Variants in CHST9 observed in about 807,000 individuals in gnomAD.
The protein encoded by CHST9 is GalNAc-4-sulfotransferase 2.
Under a neutral mutation model 44.4 loss-of-function variants are expected in CHST9, and 41 were observed. The observed-to-expected ratio is 0.92, with a 90% CI of 0.72 to 1.20. The LOEUF is 1.20. Among genes scored for constraint, CHST9 ranks in the 50% most tolerant of loss-of-function variants. CHST9 has a pLI of 0.00. For synonymous variants in CHST9, 171 were observed against 178.4 expected, an observed-to-expected ratio of 0.96 and a Z score of 0.33; for missense variants, 504 against 516.5, an observed-to-expected ratio of 0.98 and a Z score of 0.23.
intron 5 of CHST9, among the ~76,000 whole-genome samples, chr18:26,937,721 C>T (rs550033654): frequency 1.3e-5 from 2 of 152,248 alleles, no homozygotes; most frequent in Admixed American, 6.5e-5. Context: ...GTTCCTACTT[C>T]GCAGGGTCAC....
rs2055439636 is a variant in CHST9 at position 26,911,481 on chromosome 18, C to A, written c.*4778G>T. 6.6e-6 allele frequency: 1 copy of A among 152,156 alleles called. No individual in the cohort carries two copies. Among genetic ancestry groups the A allele is most frequent in the Non-Finnish European group, 1.5e-5 (1 of 68,014 alleles). The allele number at this position is 152,156 out of a possible 1,614,324, so 9.4% of individuals were successfully genotyped here. On this transcript the variant is annotated 3_prime_UTR_variant, in exon 6 of 6. Coordinates refer to ENST00000618847, the MANE Select transcript of CHST9 (RefSeq NM_031422.6). ...TTACACCAGGGGAAAACTCTGCTGT[C>A]TTTTTCTGCCTATCAGGGAGCTCAT... is the stretch of plus-strand genomic sequence containing the variant.
intron 2 of CHST9, among the ~76,000 whole-genome samples, chr18:27,080,699 G>A (rs2057951887): frequency 6.6e-6 from 1 of 152,132 alleles, no homozygotes; most frequent in Non-Finnish European, 1.5e-5. Context: ...CTGGAACTAG[G>A]GGCAAGTAGG....
chr18:26,937,266 A>AC (rs57902017), intron 5 of CHST9, among the ~76,000 whole-genome samples: 6,056 of 152,230 alleles, frequency 0.04, 364 homozygotes, highest in African/African-American at 0.13. Flanking sequence ...AAAGTAATTT[A>AC]CCGCTCAACA....
intron 2 of CHST9, among the ~76,000 whole-genome samples, chr18:27,095,579 C>A (rs2058108857): frequency 6.6e-6 from 1 of 151,972 alleles, no homozygotes; most frequent in Non-Finnish European, 1.5e-5. Flanking sequence ...AGGCTCAAAG[C>A]AAAGGGTTGT....
chr18:26,974,355 C>T (rs932248666), intron 4 of CHST9, among the ~76,000 whole-genome samples: 1 of 152,056 alleles, frequency 6.6e-6, no homozygotes, highest in African/African-American at 2.4e-5. Flanking sequence ...TGTTCCAACA[C>T]AGGTGGAATC....
At chr18:27,102,630 G>A (rs1325693504) in intron 2 of CHST9, among the ~76,000 whole-genome samples, 5 of 152,182 alleles carry the variant, frequency 3.3e-5, no homozygotes, top group African/African-American at 1.2e-4. Context: ...CTCAAAATTT[G>A]ATATTAAGCT....
chr18:26,961,380 C>T (rs567578731), intron 4 of CHST9, among the ~76,000 whole-genome samples: 25 of 151,658 alleles, frequency 1.6e-4, no homozygotes, highest in Admixed American at 3.9e-4. Context: ...ACGTTAAGGC[C>T]GGGTGGGAAA....
At chr18:26,969,299 GC>G (rs2056507668) in intron 4 of CHST9, among the ~76,000 whole-genome samples, 1 of 151,824 alleles carries the variant, frequency 6.6e-6, no homozygotes, top group Admixed American at 6.6e-5. Context: ...ACCGCGCCTG[GC>G]CACGAATTTA....
intron 3 of CHST9, among the ~76,000 whole-genome samples, chr18:27,046,747 G>A (rs1315720405): frequency 6.6e-6 from 1 of 152,018 alleles, no homozygotes; most frequent in Non-Finnish European, 1.5e-5. Flanking sequence ...CTGATGGCGT[G>A]ATTTGTTGTC....
chr18:27,179,445 T>C (rs996784314), intron 1 of CHST9, among the ~76,000 whole-genome samples: 28 of 151,932 alleles, frequency 1.8e-4, no homozygotes, highest in African/African-American at 6.8e-4. Context: ...CACGCCTACA[T>C]AAAAATCTTG....
chr18:26,940,310 T>C (rs1276171171), intron 5 of CHST9, among the ~76,000 whole-genome samples: 2 of 152,116 alleles, frequency 1.3e-5, no homozygotes, highest in Non-Finnish European at 2.9e-5. Context: ...GTCTGAGGGT[T>C]GTGCTGTGTC....
At chr18:26,954,570 TGTTCATTTCTG>T (rs2056296479) in intron 4 of CHST9, among the ~76,000 whole-genome samples, 1 of 152,150 alleles carries the variant, frequency 6.6e-6, no homozygotes. Context: ...TCTGGTCTTA[TGTTCATTTCTG>T]GTCCTTTTTG....
chr18:27,000,286 T>TTTG (rs2056933634), intron 4 of CHST9, among the ~76,000 whole-genome samples: 1 of 152,202 alleles, frequency 6.6e-6, no homozygotes, highest in African/African-American at 2.4e-5. Flanking sequence ...GAACTCTAGA[T>TTTG]TTGTTGGACG....
At chr18:27,025,489 A>G (rs1467730271) in intron 3 of CHST9, among the ~76,000 whole-genome samples, 1 of 152,180 alleles carries the variant, frequency 6.6e-6, no homozygotes, top group Non-Finnish European at 1.5e-5. Flanking sequence ...GCCAAAAAAT[A>G]CCAGTTTACA....
chr18:27,011,153 T>C (rs2057079174), intron 4 of CHST9, among the ~76,000 whole-genome samples: 1 of 152,200 alleles, frequency 6.6e-6, no homozygotes. Context: ...CATGGAAGTC[T>C]GGCCTGGACA....
chr18:27,119,378 G>A (rs1276154593), intron 2 of CHST9, among the ~76,000 whole-genome samples: 2 of 152,154 alleles, frequency 1.3e-5, no homozygotes, highest in African/African-American at 4.8e-5. Context: ...TCTCAGATCT[G>A]AGTACCTGGG....
intron 4 of CHST9, among the ~76,000 whole-genome samples, chr18:26,969,515 CA>C (rs2056514025): frequency 6.6e-6 from 1 of 152,036 alleles, no homozygotes; most frequent in Admixed American, 6.6e-5. Context: ...GTTTATTCCA[CA>C]AAATAGTTCT....
chr18:27,131,874 T>G (rs2058474797), intron 2 of CHST9, among the ~76,000 whole-genome samples: 1 of 152,240 alleles, frequency 6.6e-6, no homozygotes, highest in African/African-American at 2.4e-5. Flanking sequence ...TCTTACTGCT[T>G]CAACCAATTG....
intron 5 of CHST9, among the ~76,000 whole-genome samples, chr18:26,933,335 C>T (rs1352070533): frequency 6.6e-6 from 1 of 152,194 alleles, no homozygotes; most frequent in Non-Finnish European, 1.5e-5. Flanking sequence ...GAATCAATCT[C>T]TTATCTGTAA....
Sources: gnomAD v4.1 joint callset for allele counts (sites outside exome capture counted in the v4.1 genomes callset) on GRCh38, gnomAD v4.1.1 for gene constraint, MANE v1.5 for transcripts, NCBI Gene and HGNC (gene_info 2026-07-23, HGNC 2026-07-21) for gene names.